The following ZCCHC7 variants were observed in gnomAD, a reference collection of about 807,000 sequenced individuals.
ZCCHC7 encodes zinc finger CCHC-type containing 7, also known as zinc finger CCHC domain-containing protein 7.
Under a neutral mutation model 52.0 loss-of-function variants are expected in ZCCHC7, and 35 were observed. The ratio of observed to expected loss-of-function variants is 0.67; its 90% CI spans 0.51 to 0.89. ZCCHC7 has a LOEUF of 0.89. Ranked by LOEUF, ZCCHC7 falls within the 40% of genes least tolerant of loss-of-function variation. ZCCHC7 has a pLI of 0.00. For missense variants in ZCCHC7, 574 were observed against 649.1 expected (o/e 0.88, Z 1.26); for synonymous variants, 217 against 221.5 (o/e 0.98, Z 0.18).
rs146722985 is a variant in ZCCHC7, at chr9:37,278,135, C to T, written c.611-24053C>T. Among the ~76,000 whole-genome samples, 246 of 152,018 alleles carry T rather than the reference C, an allele frequency of 1.6e-3. 1 individual carries two copies. The highest frequency in any genetic ancestry group is 5.7e-3 in the African/African-American group (236 of 41,428). On this transcript the variant is annotated intron_variant, in intron 2 of 8. Transcript: ENST00000336755. ...CATTTACAGGCATAATCTTAACTCA[C>T]TGCAGCCTCGAGCTCCTAGACTCTG...
intron 2 of ZCCHC7, among the ~76,000 whole-genome samples, chr9:37,195,622 C>T (rs758258270): frequency 2.0e-5 from 3 of 151,878 alleles, no homozygotes; most frequent in South Asian, 2.1e-4. Flanking sequence ...TTAAATATGT[C>T]GAGGAAGGGA....
chr9:37,270,105 C>T (rs1345978100), intron 2 of ZCCHC7, among the ~76,000 whole-genome samples: 1 of 152,126 alleles, frequency 6.6e-6, no homozygotes, highest in African/African-American at 2.4e-5. Flanking sequence ...TAATATTTTA[C>T]ATTGATTACA....
chr9:37,320,814 A>G (rs977313155), intron 5 of ZCCHC7, among the ~76,000 whole-genome samples: 1 of 152,168 alleles, frequency 6.6e-6, no homozygotes, highest in Non-Finnish European at 1.5e-5. Context: ...TAATTTCCCC[A>G]AGAGCATTCC....
At chr9:37,253,480 TTATC>T (rs1173809838) in intron 2 of ZCCHC7, among the ~76,000 whole-genome samples, 1 of 152,056 alleles carries the variant, frequency 6.6e-6, no homozygotes, top group African/African-American at 2.4e-5. Context: ...CACTTTTTCT[TTATC>T]TATGTACATG....
At position 37,356,997 on chromosome 9, in the gene ZCCHC7, A is replaced by G. The variant is rs758430567; in HGVS notation, c.1361A>G (p.Asn454Ser). 4 of 1,613,690 alleles carry G rather than the reference A, an allele frequency of 2.5e-6. No individual in the cohort carries two copies. The South Asian group carries it at 3.3e-5, about 13-fold the overall frequency. Residue 454 changes from asparagine to serine, a missense_variant, in exon 9 of 9, where the codon AAT (asparagine) becomes AGT (serine). Coordinates refer to ENST00000336755, the MANE Select transcript of ZCCHC7 (RefSeq NM_032226.3). The stretch of plus-strand genomic sequence containing the variant: ...ACACAAAAAGAAATGAAGAACAAGA[A>G]TAGAAACTGGGAGAAGCACAGGAAG... ...KETQKEMKNKNRNWEKHRKAD... is the reference protein window; with the variant it reads ...KETQKEMKNKSRNWEKHRKAD...
In ZCCHC7 at chr9:37,225,100, A is replaced by G. The variant is rs1163841608; in HGVS notation, c.611-77088A>G. Among the ~76,000 whole-genome samples the G allele has an allele frequency of 2.0e-5, 3 of 152,236 alleles. No homozygotes were observed. The East Asian group carries it at 5.8e-4, about 29-fold the overall frequency. ...AATAATTCTATAAACATTCAAGTAC[A>G]GAATTGAAGACCAATCAGGAATAAA... On this transcript the variant is annotated intron_variant, in intron 2 of 8. Transcript: ENST00000336755.
intron 2 of ZCCHC7, among the ~76,000 whole-genome samples, chr9:37,197,249 G>C (rs1482680601): frequency 6.6e-6 from 1 of 152,140 alleles, no homozygotes; most frequent in Non-Finnish European, 1.5e-5. Flanking sequence ...GCCCCAGATG[G>C]TGGTTGCCTA....
At chr9:37,196,474 C>A (rs1823292004) in intron 2 of ZCCHC7, among the ~76,000 whole-genome samples, 1 of 151,836 alleles carries the variant, frequency 6.6e-6, no homozygotes, top group South Asian at 2.1e-4. Context: ...TGGAAGGAGA[C>A]CTGATGCAAA....
intron 2 of ZCCHC7, among the ~76,000 whole-genome samples, chr9:37,221,687 G>A (rs1246709230): frequency 1.3e-5 from 2 of 152,078 alleles, no homozygotes; most frequent in Admixed American, 6.6e-5. Context: ...TTTGAATAGA[G>A]AAAGTAAACT....
chr9:37,131,337 C>CAA (rs548078026), intron 2 of ZCCHC7, among the ~76,000 whole-genome samples: 2 of 112,608 alleles, frequency 1.8e-5, no homozygotes, highest in African/African-American at 6.4e-5. Flanking sequence ...GAGACTCTGT[C>CAA]AAAAAAAAAA....
chr9:37,182,053 T>C (rs13285022), intron 2 of ZCCHC7, among the ~76,000 whole-genome samples: 31,652 of 152,044 alleles, frequency 0.21, 3,557 homozygotes, highest in Non-Finnish European at 0.25. Context: ...ATATATAAAT[T>C]GTTGGTTTAT....
chr9:37,169,511 A>G (rs1821613706), intron 2 of ZCCHC7, among the ~76,000 whole-genome samples: 1 of 152,184 alleles, frequency 6.6e-6, no homozygotes, highest in Non-Finnish European at 1.5e-5. Flanking sequence ...TCCAGTGGGA[A>G]TTTCACTATG....
At chr9:37,200,357 T>C (rs1823569634) in intron 2 of ZCCHC7, among the ~76,000 whole-genome samples, 1 of 152,328 alleles carries the variant, frequency 6.6e-6, no homozygotes, top group African/African-American at 2.4e-5. Flanking sequence ...ATGTTTCCTG[T>C]TGCTTTAATT....
At chr9:37,274,653 G>T (rs1827599366) in intron 2 of ZCCHC7, among the ~76,000 whole-genome samples, 1 of 151,740 alleles carries the variant, frequency 6.6e-6, no homozygotes, top group Non-Finnish European at 1.5e-5. Context: ...ATTTCTTAAT[G>T]GTTCCTCTTC....
At chr9:37,227,485 G>C (rs1044535120) in intron 2 of ZCCHC7, among the ~76,000 whole-genome samples, 1 of 152,126 alleles carries the variant, frequency 6.6e-6, no homozygotes, top group Non-Finnish European at 1.5e-5. Context: ...CAAGTAACAA[G>C]AACTTGTATA....
intron 2 of ZCCHC7, among the ~76,000 whole-genome samples, chr9:37,130,948 A>G (rs562438756): frequency 2.0e-5 from 3 of 152,174 alleles, no homozygotes; most frequent in African/African-American, 4.8e-5. Context: ...TACATTTACT[A>G]TTACTAAATT....
rs562158154 is a variant in ZCCHC7 at position 37,209,989 on chromosome 9, T to C, written c.610+83047T>C. ...TGATATAGGATTAGGTTTCTTTCTT[T>C]TTCTGTTTCTTCTTCCTGTTTTTTT... On this transcript the variant is annotated intron_variant, in intron 2 of 8. Coordinates refer to ENST00000336755, the MANE Select transcript of ZCCHC7 (RefSeq NM_032226.3). 9.2e-5 allele frequency among the ~76,000 whole-genome samples: 14 copies of C among 152,254 alleles called. No homozygotes were observed. The East Asian group carries it at 2.7e-3, about 29-fold the overall frequency.
At chr9:37,302,382 G>A (rs1228514518) in intron 3 of ZCCHC7, 151 bp downstream of exon 3, 2 of 629,078 alleles carry the variant, frequency 3.2e-6, no homozygotes, top group Admixed American at 3.0e-5. Flanking sequence ...CAGAAACTTG[G>A]TTCAGCCTTG....
intron 2 of ZCCHC7, among the ~76,000 whole-genome samples, chr9:37,216,400 C>T (rs957083293): frequency 2.0e-5 from 3 of 152,138 alleles, no homozygotes; most frequent in Non-Finnish European, 4.4e-5. Context: ...CTTGGCCATA[C>T]GCGGTGGCTC....
Sources: allele counts gnomAD v4.1 joint callset (sites outside exome capture counted in the v4.1 genomes callset), GRCh38; gene constraint gnomAD v4.1.1; transcripts MANE v1.5; gene names NCBI Gene and HGNC (gene_info 2026-07-23, HGNC 2026-07-21).